The following SLC7A11 variants were observed in gnomAD, a reference collection of about 807,000 sequenced individuals.
SLC7A11 encodes the protein cystine/glutamate transporter.
A neutral mutation model predicts 54.5 loss-of-function variants in SLC7A11; 35 were observed. The observed-to-expected ratio is 0.64, with a 90% confidence interval of 0.49 to 0.85. The LOEUF is 0.85. SLC7A11 is among the 40% of genes least tolerant of loss of function. The pLI, the probability that SLC7A11 is intolerant of heterozygous loss-of-function variation, is 0.00. For missense variants in SLC7A11, 583 were observed against 618.1 expected (o/e 0.94, Z 0.60); for synonymous variants, 230 against 225.2 (o/e 1.02, Z -0.19).
rs554325259 is a variant in SLC7A11 at position 138,219,312 on chromosome 4, G to T, written c.700C>A (p.Arg234=). 5 of 1,610,660 alleles carry T rather than the reference G, an allele frequency of 3.1e-6. No individual in the cohort carries two copies. Among genetic ancestry groups the T allele is most frequent in the Non-Finnish European group, 4.2e-6 (5 of 1,177,294 alleles). The change falls in exon 5 of 12, where the codon CGG becomes AGG. Residue 234 remains arginine, a synonymous_variant. Coordinates refer to ENST00000280612, the MANE Select transcript of SLC7A11 (RefSeq NM_014331.4). ...AFSGRDSSIT[R]LPLAFYYGMY... ...CCATAATAAAAAGCCAGTGGCAACC[G>T]CGTAATACTTGAATCTCTTCCTGAA...
intron 6 of SLC7A11, among the ~76,000 whole-genome samples, chr4:138,213,276 G>T (rs972631867): frequency 2.6e-5 from 4 of 151,970 alleles, no homozygotes; most frequent in African/African-American, 9.7e-5. Context: ...ATTACATATT[G>T]ATTTGCATAG....
chr4:138,170,233 A>AGTGTGTGT lies in SLC7A11; in HGVS notation c.*1715_*1722dup, dbSNP rs1285231800. On this transcript the variant is annotated 3_prime_UTR_variant, in exon 12 of 12. Transcript: ENST00000280612. ...TATATATATATATATATATATAAAAAGTGTGTGTGTGTGTGTGTATATATA... is the reference window on the plus strand; with the variant it reads ...TATATATATATATATATATATAAAAAGTGTGTGTGTGTGTGTGTGTGTGTGTATATATA... 5.1e-5 allele frequency: 5 copies of AGTGTGTGT among 98,632 alleles called. No individual in the cohort carries two copies. Among genetic ancestry groups the AGTGTGTGT allele is most frequent in the Admixed American group, 1.1e-4 (1 of 9,046 alleles). The allele number at this position is 98,632 out of a possible 1,614,324, so 6.1% of individuals were successfully genotyped here. A position where few individuals can be genotyped will look rare whatever the true frequency, so the allele number is the denominator to read the frequency against.
intron 6 of SLC7A11, among the ~76,000 whole-genome samples, chr4:138,190,661 C>T (rs1403967123): frequency 2.6e-5 from 4 of 152,234 alleles, no homozygotes; most frequent in East Asian, 1.9e-4. Context: ...TAAATGAGTA[C>T]ATTTCAAAGA....
In SLC7A11 at chr4:138,169,351, G is replaced by C. The variant is rs949624222; in HGVS notation, c.*2605C>G. 13 of 152,058 alleles carry C rather than the reference G, an allele frequency of 8.5e-5. No homozygotes were observed. Among genetic ancestry groups the C allele is most frequent in the South Asian group, 4.2e-4 (2 of 4,816 alleles). 9.4% of individuals were successfully genotyped at this position (152,058 alleles called of 1,614,324 possible). On this transcript the variant is annotated 3_prime_UTR_variant, in exon 12 of 12. Coordinates refer to ENST00000280612, the MANE Select transcript of SLC7A11 (RefSeq NM_014331.4). Reference sequence around the variant, plus strand: ...GATTAAAGGAACTGTGTCTTCTCATGATGAGTCCTAAAAATAAGCCAAAAT... The same window carrying C: ...GATTAAAGGAACTGTGTCTTCTCATCATGAGTCCTAAAAATAAGCCAAAAT...
chr4:138,183,209 C>G lies in SLC7A11; in HGVS notation c.1012G>C (p.Val338Leu). Residue 338 changes from valine to leucine, a missense_variant, in exon 8 of 12, where the codon GTC (valine) becomes CTC (leucine). Val to Leu is a conservative substitution (Grantham distance 32). Coordinates refer to ENST00000280612, the MANE Select transcript of SLC7A11 (RefSeq NM_014331.4). ...ATACATGAACTCACTCACCTGGAGA[C>G]AGCAAACACACCACCGTTCATGGAG... is the stretch of plus-strand genomic sequence containing the variant. ...FGSMNGGVFAVSRLFYVASRE... is the reference protein window; with the variant it reads ...FGSMNGGVFALSRLFYVASRE... 1.2e-6 allele frequency: 2 copies of G among 1,607,976 alleles called. No individual in the cohort carries two copies. The highest frequency in any genetic ancestry group is 1.7e-6 in the Non-Finnish European group (2 of 1,175,316).
intron 4 of SLC7A11, among the ~76,000 whole-genome samples, chr4:138,219,998 G>A (rs1737772367): frequency 6.8e-6 from 1 of 147,102 alleles, no homozygotes; most frequent in African/African-American, 2.5e-5. Context: ...GGAGTGCAGT[G>A]GCACAATCTT....
At chr4:138,183,670 C>T (rs915970644) in intron 7 of SLC7A11, among the ~76,000 whole-genome samples, 8 of 152,102 alleles carry the variant, frequency 5.3e-5, no homozygotes, top group African/African-American at 1.7e-4. Context: ...CTGTATAATA[C>T]GTTCTCTTTA....
chr4:138,228,830 T>C (rs2148450574), intron 3 of SLC7A11, among the ~76,000 whole-genome samples: 1 of 148,490 alleles, frequency 6.7e-6, no homozygotes, highest in Admixed American at 6.7e-5. Flanking sequence ...AGCAGCCAAA[T>C]GCAAATCTAT....
Position 138,165,527 on chromosome 4 carries a change from T to C in SLC7A11, c.*6429A>G, listed in dbSNP as rs1022118091. 7.2e-5 allele frequency: 11 copies of C among 152,414 alleles called. No individual in the cohort carries two copies. Among genetic ancestry groups the C allele is most frequent in the African/African-American group, 2.7e-4 (11 of 41,458 alleles). 9.4% of individuals were successfully genotyped at this position (152,414 alleles called of 1,614,324 possible). A position where few individuals can be genotyped will look rare whatever the true frequency, so the allele number is the denominator to read the frequency against. On this transcript the variant is annotated 3_prime_UTR_variant, in exon 12 of 12. Coordinates refer to ENST00000280612, the MANE Select transcript of SLC7A11 (RefSeq NM_014331.4). ...AAACAATGTATCTCATAGCATTAAA[T>C]GATACAGCCTTAACACATATGATGC... is the stretch of plus-strand genomic sequence containing the variant.
rs927877829 is a variant in SLC7A11, at chr4:138,171,599, A to G, written c.*357T>C. 2 of 223,572 alleles carry G rather than the reference A, an allele frequency of 8.9e-6. No individual in the cohort carries two copies. The highest frequency in any genetic ancestry group is 2.4e-5 in the African/African-American group (1 of 42,426). The allele number at this position is 223,572 out of a possible 1,614,324, so 13.8% of individuals were successfully genotyped here. ...AAAACCATCTTTACAAAACCCATAT[A>G]TACAGAAAAATCTCAGTCTTCAATT... On this transcript the variant is annotated 3_prime_UTR_variant, in exon 12 of 12. Transcript: ENST00000280612.
At position 138,236,438 on chromosome 4, in the gene SLC7A11, A is replaced by G; in HGVS notation, c.291T>C (p.Tyr97=). The stretch of plus-strand genomic sequence containing the variant: ...TCTTTATAGTTGTTCCCAATTCAGC[A>G]TAAGACAAAGCTCCTGTGAAATATT... ...GVLSLFGALS[Y]AELGTTIKKS... is the part of the protein sequence containing the mutation. Residue 97 remains tyrosine, a synonymous_variant, in exon 2 of 12, where the codon TAT becomes TAC. Transcript: ENST00000280612. The G allele has an allele frequency of 6.2e-7, 1 of 1,606,522 alleles. No homozygotes were observed. Among genetic ancestry groups the G allele is most frequent in the African/African-American group, 1.3e-5 (1 of 74,588 alleles).
chr4:138,173,634 C>CAA (rs201066768), intron 11 of SLC7A11, among the ~76,000 whole-genome samples: 109 of 130,298 alleles, frequency 8.4e-4, no homozygotes, highest in South Asian at 4.6e-3. Context: ...AACTCCATCT[C>CAA]AAAAAAAAAA....
chr4:138,177,581 A>C (rs887159138), intron 11 of SLC7A11: 10 of 152,030 alleles, frequency 6.6e-5, no homozygotes, highest in African/African-American at 2.4e-4. Context: ...ATGGTTTAAA[A>C]TACATACACT....
chr4:138,235,098 G>A (rs940350078), intron 2 of SLC7A11, among the ~76,000 whole-genome samples: 32 of 151,954 alleles, frequency 2.1e-4, no homozygotes, highest in African/African-American at 7.7e-4. Context: ...AAGAATAGAA[G>A]GTATCATGCT....
chr4:138,241,614 C>T (rs982467572), intron 1 of SLC7A11, among the ~76,000 whole-genome samples, 179 bp downstream of exon 1: 1 of 152,126 alleles, frequency 6.6e-6, no homozygotes, highest in Admixed American at 6.5e-5. Context: ...GAGGGTGTTC[C>T]AGATCACACC....
intron 1 of SLC7A11, among the ~76,000 whole-genome samples, chr4:138,241,128 T>C (rs1738367410): frequency 6.6e-6 from 1 of 152,162 alleles, no homozygotes; most frequent in African/African-American, 2.4e-5. Flanking sequence ...AAACTTATAT[T>C]GCAAAAGTGT....
intron 6 of SLC7A11, among the ~76,000 whole-genome samples, chr4:138,186,360 G>A (rs760969502): frequency 6.6e-5 from 10 of 152,230 alleles, no homozygotes; most frequent in Non-Finnish European, 1.0e-4. Flanking sequence ...GGGGGGAAAA[G>A]GCACAGCCTG....
chr4:138,190,787 T>C (rs1736991449), intron 6 of SLC7A11, among the ~76,000 whole-genome samples: 1 of 152,154 alleles, frequency 6.6e-6, no homozygotes, highest in Non-Finnish European at 1.5e-5. Flanking sequence ...AACAGTCCTA[T>C]CTGCCTCTCT....
In SLC7A11 at chr4:138,168,802, A is replaced by C. The variant is rs1460980707; in HGVS notation, c.*3154T>G. The C allele has an allele frequency of 6.6e-6, 1 of 152,220 alleles. No homozygotes were observed. Among genetic ancestry groups the C allele is most frequent in the Non-Finnish European group, 1.5e-5 (1 of 68,042 alleles). 9.4% of individuals were successfully genotyped at this position (152,220 alleles called of 1,614,324 possible). A position where few individuals can be genotyped will look rare whatever the true frequency, so the allele number is the denominator to read the frequency against. ...CTAGGACAAATCTTTACTCTTCTAA[A>C]GAAGGACAAGAATAAGGTCTACTTT... is the stretch of plus-strand genomic sequence containing the variant. On this transcript the variant is annotated 3_prime_UTR_variant, in exon 12 of 12. Transcript: ENST00000280612.
Sources: allele counts gnomAD v4.1 joint callset (sites outside exome capture counted in the v4.1 genomes callset), GRCh38; gene constraint gnomAD v4.1.1; transcripts MANE v1.5; gene names NCBI Gene and HGNC (gene_info 2026-07-23, HGNC 2026-07-21).